Variants in MYO9B observed in about 807,000 individuals in gnomAD.
MYO9B encodes myosin IXB, also known as unconventional myosin-IXb.
MYO9B carries 71 observed loss-of-function variants against 229.5 expected under a neutral mutation model. The observed-to-expected ratio is 0.31, with a 90% CI of 0.26 to 0.38. The LOEUF is 0.38. Ranked by LOEUF, MYO9B falls within the 10% of genes least tolerant of loss-of-function variation. The probability of loss-of-function intolerance (pLI) is 1.00; values close to 1 mark genes in which losing one functional copy is unlikely to be tolerated. For missense variants in MYO9B, 2,255 were observed against 2,920.5 expected (o/e 0.77, Z 5.25); for synonymous variants, 1,185 against 1,235.8 (o/e 0.96, Z 0.86).
intron 14 of MYO9B, among the ~76,000 whole-genome samples, chr19:17,179,530 G>C (rs985994394): frequency 6.7e-6 from 1 of 148,238 alleles, no homozygotes; most frequent in Non-Finnish European, 1.5e-5. Context: ...AGGTTCAAGC[G>C]ATTGTCGTGC....
rs2072491263 is a variant in MYO9B, at chr19:17,152,628, T to A, written c.936-16T>A. 3.1e-6 allele frequency: 5 copies of A among 1,605,176 alleles called. No homozygotes were observed. In the Admixed American group the frequency reaches 8.6e-5, roughly 28 times the overall value. The stretch of plus-strand genomic sequence containing the variant: ...AATGTAATGTTTTATTCTTTCTGTT[T>A]TTCTCTTAATGACAGAGCTGTCGTC... On this transcript the variant is annotated splice_polypyrimidine_tract_variant and intron_variant, in intron 3 of 39. Transcript: ENST00000682292.
In MYO9B at chr19:17,206,654, C is replaced by T. The variant is rs377243954; in HGVS notation, c.5387-25C>T. ...CACCTTGGGGACCCTTGGGAGCTGA[C>T]GTCCTCAAACCCCACTGCCTGCAGA... On this transcript the variant is annotated intron_variant, in intron 33 of 39. Coordinates refer to ENST00000682292, the MANE Select transcript of MYO9B (RefSeq NM_004145.4). 5.0e-5 allele frequency: 78 copies of T among 1,547,158 alleles called. No homozygotes were observed. In the Middle Eastern group the frequency reaches 6.7e-4, roughly 13 times the overall value.
chr19:17,202,776 G>A, intron 28 of MYO9B, 66 bp from the exon 29 acceptor site: 1 of 1,497,272 alleles, frequency 6.7e-7, no homozygotes, highest in Non-Finnish European at 9.1e-7. Flanking sequence ...GTTATGGGGT[G>A]CCAGGGGTGG....
In MYO9B at chr19:17,185,916, A is replaced by G. The variant is rs1379467682; in HGVS notation, c.2497-5A>G. The G allele has an allele frequency of 1.2e-6, 2 of 1,613,150 alleles. No individual in the cohort carries two copies. Among genetic ancestry groups the G allele is most frequent in the Non-Finnish European group, 1.7e-6 (2 of 1,179,176 alleles). On this transcript the variant is annotated splice_polypyrimidine_tract_variant and splice_region_variant and intron_variant, in intron 17 of 39. Transcript: ENST00000682292. Reference sequence around the variant, plus strand: ...AACCCAAATGCTTTCTCTTTCCCTTAACAGACATCCCTTAACAAGCTCTTG... The same window carrying G: ...AACCCAAATGCTTTCTCTTTCCCTTGACAGACATCCCTTAACAAGCTCTTG...
intron 2 of MYO9B, among the ~76,000 whole-genome samples, chr19:17,124,225 G>T (rs761751339): frequency 2.0e-4 from 30 of 151,844 alleles, no homozygotes; most frequent in Non-Finnish European, 3.5e-4. Context: ...AGGTGTGGTG[G>T]TACACACTTG....
At chr19:17,126,278 T>C (rs1213847776) in intron 2 of MYO9B, among the ~76,000 whole-genome samples, 6 of 152,218 alleles carry the variant, frequency 3.9e-5, no homozygotes, top group Non-Finnish European at 8.8e-5. Context: ...GGACCCATTT[T>C]GTCCTGGGTG....
At chr19:17,181,754 T>G (rs1330252619) in intron 15 of MYO9B, among the ~76,000 whole-genome samples, 2 of 152,138 alleles carry the variant, frequency 1.3e-5, no homozygotes, top group Admixed American at 6.6e-5. Context: ...TCTTTCTTTC[T>G]TTCGTTCGTT....
intron 3 of MYO9B, among the ~76,000 whole-genome samples, chr19:17,149,232 C>T (rs1046418338): frequency 2.0e-5 from 3 of 152,098 alleles, no homozygotes; most frequent in Non-Finnish European, 4.4e-5. Flanking sequence ...TCCACCTTGG[C>T]CCCCCAAAGC....
At position 17,191,148 on chromosome 19, in the gene MYO9B, A is replaced by G; in HGVS notation, c.2740A>G (p.Arg914Gly). The change falls in exon 20 of 40, where the codon AGG becomes GGG. Residue 914 changes from arginine to glycine, a missense_variant. Arg to Gly is a moderately radical substitution (Grantham distance 125). Around this residue, in one of 7 missense-constraint regions of MYO9B, gnomAD observed 679 missense variants for 770.2 expected, o/e 0.88. Transcript: ENST00000682292. ...VLLPKDAQPC[R>G]EVISTLLEKM... ...CCTGCCCAAGGATGCCCAGCCCTGC[A>G]GGGAGGTCATCTCCACCCTCCTGGA... The G allele has an allele frequency of 6.2e-7, 1 of 1,612,570 alleles. No individual in the cohort carries two copies. The highest frequency in any genetic ancestry group is 8.5e-7 in the Non-Finnish European group (1 of 1,179,152).
At chr19:17,147,526 G>A (rs1205334143) in intron 3 of MYO9B, among the ~76,000 whole-genome samples, 4 of 129,682 alleles carry the variant, frequency 3.1e-5, no homozygotes, top group Non-Finnish European at 3.2e-5. Flanking sequence ...CCTGGGTGAC[G>A]AGCGAAAGTC....
At chr19:17,201,829 G>T (rs1208043139) in intron 26 of MYO9B, 97 bp from the exon 27 acceptor site, 1 of 822,680 alleles carries the variant, frequency 1.2e-6, no homozygotes, top group South Asian at 1.5e-5. Context: ...CCTAGGGGAT[G>T]ACTTAAGAGA....
In MYO9B at chr19:17,160,521, T is replaced by TC. The variant is rs201175287; in HGVS notation, c.1419+1037_1419+1038insC. ...AGCTTCTTTTTTTTCTTTTTTTTTT[T>TC]TTTTTTGAGATAGCGTCTCACTGTT... On this transcript the variant is annotated intron_variant, in intron 8 of 39. Coordinates refer to ENST00000682292, the MANE Select transcript of MYO9B (RefSeq NM_004145.4). Among the ~76,000 whole-genome samples, 721 of 149,440 alleles carry TC rather than the reference T, an allele frequency of 4.8e-3. 3 individuals carry two copies. Among genetic ancestry groups the TC allele is most frequent in the African/African-American group, 0.017 (698 of 40,528 alleles).
chr19:17,187,404 G>C (rs866901050), intron 18 of MYO9B, among the ~76,000 whole-genome samples: 3 of 149,052 alleles, frequency 2.0e-5, no homozygotes, highest in African/African-American at 7.5e-5. Context: ...GAACAGGCCC[G>C]GAACACTGGG....
At chr19:17,111,811 C>G (rs2057850539) in intron 2 of MYO9B, among the ~76,000 whole-genome samples, 1 of 152,204 alleles carries the variant, frequency 6.6e-6, no homozygotes, top group South Asian at 2.1e-4. Flanking sequence ...CCCTGGCAGC[C>G]ACTAACCTGC....
At chr19:17,180,010 C>T (rs112370695) in intron 14 of MYO9B, among the ~76,000 whole-genome samples, 16,269 of 151,780 alleles carry the variant, frequency 0.11, 1,095 homozygotes, top group Non-Finnish European at 0.15. Context: ...TGAGGTGGGC[C>T]GATCACAAGG....
At chr19:17,119,628 G>A (rs1258037319) in intron 2 of MYO9B, among the ~76,000 whole-genome samples, 1 of 152,008 alleles carries the variant, frequency 6.6e-6, no homozygotes, top group Non-Finnish European at 1.5e-5. Flanking sequence ...GAGCTCAGGA[G>A]TTTTTTGTTT....
At chr19:17,158,791 G>A (rs373862030) in intron 7 of MYO9B, among the ~76,000 whole-genome samples, 1 of 152,208 alleles carries the variant, frequency 6.6e-6, no homozygotes, top group Non-Finnish European at 1.5e-5. Flanking sequence ...ACCTGGACCC[G>A]TGGCTCGCAC....
chr19:17,100,056 A>G (rs1287418077), intron 1 of MYO9B, among the ~76,000 whole-genome samples: 7 of 150,464 alleles, frequency 4.7e-5, no homozygotes, highest in African/African-American at 7.3e-5. Flanking sequence ...CAGGAGGTGG[A>G]GGTTGCAGTG....
At chr19:17,178,058 G>T (rs2072810578) in intron 14 of MYO9B, among the ~76,000 whole-genome samples, 1 of 152,214 alleles carries the variant, frequency 6.6e-6, no homozygotes, top group Non-Finnish European at 1.5e-5. Flanking sequence ...AGCCAGGTCG[G>T]CAGGGCTGCG....
Sources: gnomAD v4.1 joint callset for allele counts (sites outside exome capture counted in the v4.1 genomes callset) on GRCh38, gnomAD v4.1.1 for gene constraint, gnomAD v4.1.1 regional missense constraint, MANE v1.5 for transcripts, NCBI Gene and HGNC (gene_info 2026-07-23, HGNC 2026-07-21) for gene names.